The following TBC1D4 variants were observed in gnomAD, a reference collection of about 807,000 sequenced individuals.
TBC1D4 encodes the protein TBC1 domain family member 4.
In TBC1D4, 121 loss-of-function variants were observed where a neutral mutation model predicts 142.5. That is an observed-to-expected ratio of 0.85 (90% CI 0.73 to 0.99). TBC1D4 has a LOEUF of 0.99. Ranked by LOEUF, TBC1D4 falls within the 50% of genes least tolerant of loss-of-function variation. TBC1D4 has a pLI of 0.00. For missense variants in TBC1D4, 1,475 were observed against 1,606.6 expected, an observed-to-expected ratio of 0.92 and a Z score of 1.40; for synonymous variants, 630 against 628.2, an observed-to-expected ratio of 1.00 and a Z score of -0.04.
Position 75,324,219 on chromosome 13 carries a change from A to G in TBC1D4, c.2198+18T>C. 1 of 1,613,688 alleles carries G rather than the reference A, an allele frequency of 6.2e-7. No homozygotes were observed. Among genetic ancestry groups the G allele is most frequent in the African/African-American group, 1.3e-5 (1 of 75,058 alleles). On this transcript the variant is annotated intron_variant, in intron 11 of 20. Coordinates refer to ENST00000377636, the MANE Select transcript of TBC1D4 (RefSeq NM_014832.5). ...CTGCAGAAAATTTTGCTTTGCAAAC[A>G]GAGGACACTGATCTCACCTGATTTC...
chr13:75,285,278 C>T lies in TBC1D4; in HGVS notation c.*1514G>A, dbSNP rs982344696. ...TCTGTTCATCAAAGCTTTCTGAAAC[C>T]CCTAGAGCTTTACTATTCTACTCTA... On this transcript the variant is annotated 3_prime_UTR_variant, in exon 21 of 21. Transcript: ENST00000377636. The T allele has an allele frequency of 6.6e-6, 1 of 152,038 alleles. No individual in the cohort carries two copies. The allele number at this position is 152,038 out of a possible 1,614,324, so 9.4% of individuals were successfully genotyped here.
rs1273977357 is a variant in TBC1D4, at chr13:75,362,081, G to A, written c.1025C>T (p.Ala342Val). 2 of 1,614,120 alleles carry A rather than the reference G, an allele frequency of 1.2e-6. No homozygotes were observed. Among genetic ancestry groups the A allele is most frequent in the Non-Finnish European group, 1.7e-6 (2 of 1,180,038 alleles). ...KSQPRRRHAS[A>V]PSHVQPSDSE... The stretch of plus-strand genomic sequence containing the variant: ...GTCCGAGGGCTGGACGTGACTGGGT[G>A]CGCTCGCGTGTCTCCGTCGCGGCTG... Residue 342 changes from alanine to valine, a missense_variant, in exon 2 of 21, where the codon GCA (alanine) becomes GTA (valine). By Grantham distance (64) the Ala-to-Val change is moderately conservative. Transcript: ENST00000377636. The surrounding 1 kb of genome is among the most constrained non-coding windows in gnomAD (Gnocchi z 4.2).
intron 10 of TBC1D4, among the ~76,000 whole-genome samples, chr13:75,325,983 GA>G (rs1298938092): frequency 2.6e-5 from 4 of 152,162 alleles, no homozygotes; most frequent in African/African-American, 9.7e-5. Flanking sequence ...AAAAACAAAA[GA>G]GTTTCCACCC....
intron 1 of TBC1D4, among the ~76,000 whole-genome samples, chr13:75,472,529 A>G (rs1040161397): frequency 6.6e-6 from 1 of 152,208 alleles, no homozygotes; most frequent in African/African-American, 2.4e-5. Context: ...TCCATACGAC[A>G]GCCAAAATAA....
At chr13:75,291,691 T>C (rs1238580918) in intron 19 of TBC1D4, among the ~76,000 whole-genome samples, 1 of 152,152 alleles carries the variant, frequency 6.6e-6, no homozygotes, top group Non-Finnish European at 1.5e-5. Flanking sequence ...AAACAACCAA[T>C]TAAAAAGCCA....
At chr13:75,360,466 G>C (rs1403971937) in intron 2 of TBC1D4, among the ~76,000 whole-genome samples, 1 of 136,938 alleles carries the variant, frequency 7.3e-6, no homozygotes, top group Non-Finnish European at 1.6e-5. Flanking sequence ...ACTTCCAGGG[G>C]TCAAGGCTGT....
At chr13:75,416,370 A>G (rs1885917626) in intron 1 of TBC1D4, among the ~76,000 whole-genome samples, 1 of 152,222 alleles carries the variant, frequency 6.6e-6, no homozygotes, top group African/African-American at 2.4e-5. Flanking sequence ...TTTTAATGAA[A>G]ATTATATTTG....
At chr13:75,384,380 G>A (rs745914508) in intron 1 of TBC1D4, among the ~76,000 whole-genome samples, 24 of 152,148 alleles carry the variant, frequency 1.6e-4, no homozygotes, top group East Asian at 7.7e-4. Context: ...AGGTTGCAGC[G>A]AGCTGAGATT....
intron 16 of TBC1D4, among the ~76,000 whole-genome samples, chr13:75,299,918 T>G (rs1220327455): frequency 1.3e-5 from 2 of 151,860 alleles, no homozygotes; most frequent in African/African-American, 4.8e-5. Context: ...TAAATTTTAT[T>G]CTGACTATAA....
At chr13:75,454,307 C>T (rs1802114200) in intron 1 of TBC1D4, among the ~76,000 whole-genome samples, 1 of 152,140 alleles carries the variant, frequency 6.6e-6, no homozygotes, top group Non-Finnish European at 1.5e-5. Flanking sequence ...TGATCCATGG[C>T]ACCTGGCCTC....
intron 15 of TBC1D4, 105 bp from the exon 16 acceptor site, chr13:75,302,506 C>G (rs1876682564): frequency 7.8e-7 from 1 of 1,278,006 alleles, no homozygotes; most frequent in African/African-American, 1.5e-5. Flanking sequence ...GCTGTATGTA[C>G]TGCATGCCAC....
Position 75,422,561 on chromosome 13 carries a change from C to CT in TBC1D4, c.498+58708dup, listed in dbSNP as rs1566479254. 3.3e-5 allele frequency among the ~76,000 whole-genome samples: 5 copies of CT among 152,202 alleles called. No homozygotes were observed. In the South Asian group the frequency reaches 1.0e-3, roughly 32 times the overall value. ...AAATCTTTTGTTATCAAAGAAAATC[C>CT]TTTCGAACTTCAATTCTTTACAATA... On this transcript the variant is annotated intron_variant, in intron 1 of 20. Coordinates refer to ENST00000377636, the MANE Select transcript of TBC1D4 (RefSeq NM_014832.5).
chr13:75,431,967 T>A (rs1246377834), intron 1 of TBC1D4, among the ~76,000 whole-genome samples: 1 of 152,190 alleles, frequency 6.6e-6, no homozygotes. Context: ...AGAATTAGAT[T>A]TGCTTGAACT....
intron 1 of TBC1D4, among the ~76,000 whole-genome samples, chr13:75,480,548 A>C (rs1205961105): frequency 6.6e-6 from 1 of 152,208 alleles, no homozygotes; most frequent in African/African-American, 2.4e-5. Context: ...TTAAAAACAA[A>C]AGTGAAAAAA....
At chr13:75,351,499 A>C (rs1187100232) in intron 4 of TBC1D4, among the ~76,000 whole-genome samples, 1 of 151,924 alleles carries the variant, frequency 6.6e-6, no homozygotes, top group African/African-American at 2.4e-5. Context: ...TACATGCGCC[A>C]TGTTGGTGTG....
chr13:75,392,771 G>A (rs543036330), intron 1 of TBC1D4, among the ~76,000 whole-genome samples: 1 of 152,152 alleles, frequency 6.6e-6, no homozygotes, highest in South Asian at 2.1e-4. Flanking sequence ...GAGCAGCTGG[G>A]ACTACAAGCA....
chr13:75,407,101 A>G (rs1203839097), intron 1 of TBC1D4, among the ~76,000 whole-genome samples: 1 of 152,220 alleles, frequency 6.6e-6, no homozygotes, highest in Non-Finnish European at 1.5e-5. Flanking sequence ...CTATTCATCC[A>G]GCCCCCTCAA....
chr13:75,304,762 A>G (rs530863937), intron 15 of TBC1D4, among the ~76,000 whole-genome samples: 1 of 152,218 alleles, frequency 6.6e-6, no homozygotes, highest in South Asian at 2.1e-4. Flanking sequence ...GATGGAGTGG[A>G]AAGAAAGGGA....
intron 1 of TBC1D4, among the ~76,000 whole-genome samples, chr13:75,445,154 G>A (rs1010937122): frequency 3.9e-5 from 6 of 152,010 alleles, no homozygotes; most frequent in East Asian, 1.9e-4. Flanking sequence ...ATAATATCAC[G>A]CAGACACCAG....
Sources: gnomAD v4.1 joint callset for allele counts (sites outside exome capture counted in the v4.1 genomes callset) on GRCh38, gnomAD v4.1.1 for gene constraint, Gnocchi (gnomAD v3.1) non-coding constraint, MANE v1.5 for transcripts, NCBI Gene and HGNC (gene_info 2026-07-23, HGNC 2026-07-21) for gene names.